Variants in SYT9 observed in about 807,000 individuals in gnomAD.
SYT9 encodes the protein synaptotagmin 9.
A neutral mutation model predicts 48.4 loss-of-function variants in SYT9; 22 were observed. The ratio of observed to expected loss-of-function variants is 0.45; its 90% confidence interval spans 0.32 to 0.65. The LOEUF is 0.65. Among genes scored for constraint, SYT9 ranks in the 30% least tolerant of loss-of-function variants. The pLI is 0.03. For missense variants in SYT9, 577 were observed against 622.0 expected, an observed-to-expected ratio of 0.93 and a Z score of 0.77; for synonymous variants, 265 against 245.0, an observed-to-expected ratio of 1.08 and a Z score of -0.76.
intron 3 of SYT9, among the ~76,000 whole-genome samples, chr11:7,407,744 T>G (rs1249597659): frequency 6.6e-6 from 1 of 152,184 alleles, no homozygotes; most frequent in Non-Finnish European, 1.5e-5. Context: ...CCAGTTTCCT[T>G]TTTCTGTATG....
At chr11:7,396,764 T>C (rs554081087) in intron 3 of SYT9, among the ~76,000 whole-genome samples, 93 of 152,288 alleles carry the variant, frequency 6.1e-4, no homozygotes, top group African/African-American at 2.1e-3. Flanking sequence ...TTAGACTAAA[T>C]AATTAGACTA....
At chr11:7,343,191 C>G (rs1589958578) in intron 3 of SYT9, among the ~76,000 whole-genome samples, 1 of 152,190 alleles carries the variant, frequency 6.6e-6, no homozygotes, top group South Asian at 2.1e-4. Context: ...ACATTTGGCT[C>G]CTTGTGACTT....
intron 3 of SYT9, among the ~76,000 whole-genome samples, chr11:7,380,781 T>G (rs760138650): frequency 6.6e-6 from 1 of 152,238 alleles, no homozygotes; most frequent in Non-Finnish European, 1.5e-5. Flanking sequence ...ATATCGCATT[T>G]TGATTCAAAA....
chr11:7,323,342 A>G (rs1304883897), intron 3 of SYT9, among the ~76,000 whole-genome samples: 3 of 152,098 alleles, frequency 2.0e-5, no homozygotes, highest in Non-Finnish European at 2.9e-5. Context: ...CTATAATTCT[A>G]ATAATTTGAC....
chr11:7,421,235 C>T (rs75224592), intron 6 of SYT9, among the ~76,000 whole-genome samples: 3,737 of 152,284 alleles, frequency 0.025, 150 homozygotes, highest in African/African-American at 0.083. Flanking sequence ...GTCTTTCTGC[C>T]TCACAGTCCC....
At chr11:7,264,382 C>T (rs1376788466) in intron 1 of SYT9, among the ~76,000 whole-genome samples, 1 of 151,708 alleles carries the variant, frequency 6.6e-6, no homozygotes. Flanking sequence ...CTTTTTTTTG[C>T]AGGCATGGAA....
At chr11:7,341,681 G>A (rs1849716097) in intron 3 of SYT9, among the ~76,000 whole-genome samples, 1 of 152,064 alleles carries the variant, frequency 6.6e-6, no homozygotes, top group Non-Finnish European at 1.5e-5. Flanking sequence ...GACTGAGTTG[G>A]TTTTATGAAG....
At chr11:7,416,380 C>T (rs7946655) in intron 4 of SYT9, among the ~76,000 whole-genome samples, 88,386 of 152,026 alleles carry the variant, frequency 0.58, 26,190 homozygotes, top group African/African-American at 0.7. Flanking sequence ...TCTGGCTCAC[C>T]GGGCTGTTGT....
intron 2 of SYT9, among the ~76,000 whole-genome samples, chr11:7,305,940 A>G (rs1208323382): frequency 6.6e-6 from 1 of 152,092 alleles, no homozygotes; most frequent in Non-Finnish European, 1.5e-5. Flanking sequence ...TGTTTGGCTG[A>G]CACAGTGCCT....
upstream of SYT9, among the ~76,000 whole-genome samples, chr11:7,248,967 A>G (rs1318797096): frequency 6.6e-6 from 1 of 152,224 alleles, no homozygotes; most frequent in East Asian, 1.9e-4. Flanking sequence ...ACAGCATGGT[A>G]GTTGTATAAA....
upstream of SYT9, among the ~76,000 whole-genome samples, chr11:7,251,506 G>A (rs1847867440): frequency 6.6e-6 from 1 of 152,156 alleles, no homozygotes; most frequent in Non-Finnish European, 1.5e-5. Flanking sequence ...GACACCCATA[G>A]GCCCATGGTT....
chr11:7,367,401 A>T (rs1850274656), intron 3 of SYT9, among the ~76,000 whole-genome samples: 1 of 151,886 alleles, frequency 6.6e-6, no homozygotes, highest in Non-Finnish European at 1.5e-5. Context: ...CCATCTTTAT[A>T]GCTGCTTTCA....
chr11:7,389,843 C>T (rs1176710728), intron 3 of SYT9, among the ~76,000 whole-genome samples: 1 of 151,734 alleles, frequency 6.6e-6, no homozygotes, highest in Non-Finnish European at 1.5e-5. Context: ...GAAAAAAAAA[C>T]CTACATAAGA....
At chr11:7,388,905 G>T (rs960380217) in intron 3 of SYT9, among the ~76,000 whole-genome samples, 1 of 152,092 alleles carries the variant, frequency 6.6e-6, no homozygotes, top group Non-Finnish European at 1.5e-5. Context: ...TTTGGTCTCC[G>T]GGTGAAAATG....
At chr11:7,403,194 T>C (rs891495731) in intron 3 of SYT9, among the ~76,000 whole-genome samples, 3 of 152,190 alleles carry the variant, frequency 2.0e-5, no homozygotes, top group African/African-American at 7.2e-5. Context: ...ATATGTGTGT[T>C]TTCATTTTAA....
intron 3 of SYT9, among the ~76,000 whole-genome samples, chr11:7,389,176 GA>G (rs1850715804): frequency 6.6e-6 from 1 of 152,098 alleles, no homozygotes; most frequent in African/African-American, 2.4e-5. Flanking sequence ...GGCCAATACA[GA>G]AAACTGTAAC....
intron 6 of SYT9, among the ~76,000 whole-genome samples, chr11:7,432,429 C>T (rs1847592730): frequency 6.6e-6 from 1 of 151,010 alleles, no homozygotes; most frequent in African/African-American, 2.4e-5. Context: ...TGCCTTCAAT[C>T]CCAGCTACTC....
intron 1 of SYT9, among the ~76,000 whole-genome samples, chr11:7,298,911 G>C (rs1429706284): frequency 1.3e-5 from 2 of 152,046 alleles, no homozygotes. Flanking sequence ...TTTATGCACG[G>C]TCACCCCCAA....
chr11:7,344,759 C>T (rs988045813), intron 3 of SYT9, among the ~76,000 whole-genome samples: 8 of 152,088 alleles, frequency 5.3e-5, no homozygotes, highest in South Asian at 2.1e-4. Context: ...TCTTTTCCAT[C>T]GCTCTATTTG....
Sources: gnomAD v4.1 joint callset for allele counts (sites outside exome capture counted in the v4.1 genomes callset) on GRCh38, gnomAD v4.1.1 for gene constraint, MANE v1.5 for transcripts, NCBI Gene and HGNC (gene_info 2026-07-23, HGNC 2026-07-21) for gene names.